BCOR: variants seen among roughly 807,000 people sequenced by gnomAD.
The protein encoded by BCOR is BCL-6 corepressor.
Under a neutral mutation model 86.7 loss-of-function variants are expected in BCOR, and 10 were observed. The ratio of observed to expected loss-of-function variants is 0.12; its 90% CI spans 0.07 to 0.20. The LOEUF is 0.20. BCOR is among the 10% of genes least tolerant of loss of function. The pLI is 1.00. For synonymous variants in BCOR, 611 were observed against 609.0 expected, an observed-to-expected ratio of 1.00 and a Z score of -0.05; for missense variants, 1,259 against 1,452.1, an observed-to-expected ratio of 0.87 and a Z score of 2.16.
At chrX:40,076,965 A>G in intron 2 of BCOR, 1 of 315,654 alleles carries the variant, frequency 3.2e-6, no homozygotes, top group Middle Eastern at 4.6e-4. Flanking sequence ...CGTGTCATCA[A>G]CCACTTCCGT....
At chrX:40,109,601 G>A (rs1038234402) in intron 1 of BCOR, among the ~76,000 whole-genome samples, 5 of 110,557 alleles carry the variant, frequency 4.5e-5, no homozygotes, top group African/African-American at 1.6e-4. Flanking sequence ...GCCACCCTCC[G>A]GGGCCCGGAC....
chrX:40,110,344 CTT>C (rs1030438709), intron 1 of BCOR, among the ~76,000 whole-genome samples: 3 of 111,423 alleles, frequency 2.7e-5, no homozygotes, highest in Non-Finnish European at 5.7e-5. Flanking sequence ...ATTTGAGTGT[CTT>C]TGATTAAATA....
intron 1 of BCOR, among the ~76,000 whole-genome samples, chrX:40,163,228 C>T (rs1260295432): frequency 9.0e-6 from 1 of 110,738 alleles, no homozygotes; most frequent in Non-Finnish European, 1.9e-5. Flanking sequence ...CTAAGGATGG[C>T]GGCAGATAGA....
intron 1 of BCOR, among the ~76,000 whole-genome samples, chrX:40,128,234 CA>C (rs1270672100): frequency 3.0e-5 from 3 of 99,467 alleles, no homozygotes; most frequent in African/African-American, 1.1e-4. Context: ...AAAAAACAAA[CA>C]AAAAAACAAA....
chrX:40,126,844 GA>G (rs1234751283), intron 1 of BCOR, among the ~76,000 whole-genome samples: 1,530 of 55,176 alleles, frequency 0.028, 9 homozygotes, highest in Admixed American at 0.033. Flanking sequence ...CAAAGAAAAA[GA>G]AAAAAAAAAA....
chrX:40,109,607 C>T (rs1479598245), intron 1 of BCOR, among the ~76,000 whole-genome samples: 2 of 110,702 alleles, frequency 1.8e-5, no homozygotes, highest in Non-Finnish European at 3.8e-5. Context: ...CTCCGGGGCC[C>T]GGACGGGGTC....
rs758816828 is a variant in BCOR at position 40,053,930 on chromosome X, G to A, written c.4932C>T (p.Thr1644=). The A allele has an allele frequency of 1.7e-6, 2 of 1,210,846 alleles. No homozygotes were observed. The highest frequency in any genetic ancestry group is 2.2e-5 in the Admixed American group (1 of 45,891). Residue 1644 remains threonine (T), a synonymous_variant, in exon 14 of 15, where the codon ACC becomes ACT. Coordinates refer to ENST00000378444, the MANE Select transcript of BCOR (RefSeq NM_001123385.2). ...SDVFEFEFSE[T]PLLPCYNIQV... Reference sequence around the variant, plus strand: ...GGATGTTATAACACGGTAAGAGGGGGGTCTCTGAAAATTCAAATTCAAACA... The same window carrying A: ...GGATGTTATAACACGGTAAGAGGGGAGTCTCTGAAAATTCAAATTCAAACA...
intron 9 of BCOR, 37 bp from the exon 10 acceptor site, chrX:40,062,430 G>A (rs370982705): frequency 6.7e-6 from 8 of 1,187,839 alleles, no homozygotes; most frequent in South Asian, 1.8e-5. Flanking sequence ...GGTTAAGCCC[G>A]TGTCCTTCTA....
At chrX:40,107,045 A>T (rs934053251) in intron 1 of BCOR, among the ~76,000 whole-genome samples, 3 of 111,513 alleles carry the variant, frequency 2.7e-5, no homozygotes, top group African/African-American at 9.8e-5. Context: ...GCCCCGACTT[A>T]CCTCTTTCCC....
chrX:40,124,275 ATT>A (rs5902246), intron 1 of BCOR, among the ~76,000 whole-genome samples: 1 of 103,497 alleles, frequency 9.7e-6, no homozygotes, highest in African/African-American at 3.5e-5. Flanking sequence ...CTCTATATAC[ATT>A]TTTTTTTTTC....
At chrX:40,171,354 A>G (rs1361596775) in intron 1 of BCOR, among the ~76,000 whole-genome samples, 1 of 112,073 alleles carries the variant, frequency 8.9e-6, no homozygotes, top group Non-Finnish European at 1.9e-5. Context: ...CGGGAGGACA[A>G]TTTTAAAGTG....
At chrX:40,147,764 C>T (rs1318049850) in intron 1 of BCOR, among the ~76,000 whole-genome samples, 2 of 113,197 alleles carry the variant, frequency 1.8e-5, no homozygotes, top group East Asian at 5.6e-4. Context: ...CGGAGGCGTG[C>T]GCAGCCAGGC....
At chrX:40,054,209 T>G in intron 13 of BCOR, 47 bp downstream of exon 13, 1 of 1,157,259 alleles carries the variant, frequency 8.6e-7, no homozygotes, top group Non-Finnish European at 1.2e-6. Flanking sequence ...GAAATGGACT[T>G]GAACTTGTTC....
chrX:40,156,729 G>T (rs1294698186), intron 1 of BCOR, among the ~76,000 whole-genome samples: 1 of 111,268 alleles, frequency 9.0e-6, no homozygotes, highest in Non-Finnish European at 1.9e-5. Flanking sequence ...GAAATCCTAG[G>T]GCTTAGGCGC....
At chrX:40,175,878 T>C (rs1250525937) in intron 1 of BCOR, among the ~76,000 whole-genome samples, 4 of 112,754 alleles carry the variant, frequency 3.5e-5, no homozygotes, top group Non-Finnish European at 5.6e-5. Flanking sequence ...CTTCCCCGCG[T>C]GGCACCTCAG....
At chrX:40,159,872 C>G (rs1247160332) in intron 1 of BCOR, among the ~76,000 whole-genome samples, 1 of 110,097 alleles carries the variant, frequency 9.1e-6, no homozygotes, top group Non-Finnish European at 1.9e-5. Flanking sequence ...GAAAATTAGG[C>G]AAATATAAAA....
At chrX:40,159,955 C>A (rs903232424) in intron 1 of BCOR, among the ~76,000 whole-genome samples, 1 of 112,307 alleles carries the variant, frequency 8.9e-6, no homozygotes, top group East Asian at 2.8e-4. Flanking sequence ...GCTCATTTGG[C>A]TCAGCAATGA....
chrX:40,172,113 A>C (rs1938636692), intron 1 of BCOR, among the ~76,000 whole-genome samples: 1 of 112,637 alleles, frequency 8.9e-6, no homozygotes, highest in African/African-American at 3.2e-5. Flanking sequence ...GGGAGTGGGG[A>C]CACCCACACC....
chrX:40,133,706 C>T (rs1454663618), intron 1 of BCOR, among the ~76,000 whole-genome samples: 2 of 110,208 alleles, frequency 1.8e-5, no homozygotes, highest in Non-Finnish European at 3.8e-5. Context: ...GTGCTCTGCC[C>T]GCCTCGGCCT....
Sources: gnomAD v4.1 joint callset for allele counts (sites outside exome capture counted in the v4.1 genomes callset) on GRCh38, gnomAD v4.1.1 for gene constraint, MANE v1.5 for transcripts, NCBI Gene and HGNC (gene_info 2026-07-23, HGNC 2026-07-21) for gene names.